Variants in SMCHD1 observed in about 807,000 individuals in gnomAD.
SMCHD1 encodes structural maintenance of chromosomes flexible hinge domain containing 1.
A neutral mutation model predicts 254.7 loss-of-function variants in SMCHD1; 78 were observed. That is an observed-to-expected ratio of 0.31 (90% CI 0.26 to 0.37). The LOEUF (loss-of-function observed/expected upper bound fraction) is 0.37. Ranked by LOEUF, SMCHD1 falls within the 10% of genes least tolerant of loss-of-function variation. SMCHD1 has a pLI of 1.00. For missense variants in SMCHD1, 1,840 were observed against 2,408.1 expected (o/e 0.76, Z 4.94); for synonymous variants, 766 against 794.9 (o/e 0.96, Z 0.61).
At position 2,683,526 on chromosome 18, in the gene SMCHD1, A is replaced by G. The variant is rs188747039; in HGVS notation, c.639-4868A>G. On this transcript the variant is annotated intron_variant, in intron 5 of 47. Transcript: ENST00000320876. ...AGCTGTTTTACATTTGTTGCGTTTT[A>G]TGATCCAGGATGTTATCTATCTAGA... 4.1e-3 allele frequency among the ~76,000 whole-genome samples: 632 copies of G among 152,304 alleles called. 4 individuals are homozygous for G. Among genetic ancestry groups the G allele is most frequent in the African/African-American group, 0.015 (610 of 41,568 alleles).
chr18:2,658,042 C>T (rs60387589), intron 1 of SMCHD1, among the ~76,000 whole-genome samples: 2,840 of 152,276 alleles, frequency 0.019, 63 homozygotes, highest in African/African-American at 0.063. Flanking sequence ...ATCCACCCGC[C>T]TCCCAAAGTG....
chr18:2,684,700 A>AGTGT (rs71365193), intron 5 of SMCHD1, among the ~76,000 whole-genome samples: 3,520 of 115,570 alleles, frequency 0.03, 124 homozygotes, highest in African/African-American at 0.085. Context: ...TTGCAGATTC[A>AGTGT]GTGTGTGTGT....
chr18:2,762,719 C>G (rs1184248830), intron 36 of SMCHD1, among the ~76,000 whole-genome samples: 1 of 152,012 alleles, frequency 6.6e-6, no homozygotes, highest in Non-Finnish European at 1.5e-5. Flanking sequence ...AAATCCTGAC[C>G]TCATGTTATC....
intron 47 of SMCHD1, among the ~76,000 whole-genome samples, chr18:2,802,088 A>G (rs892125854): frequency 2.6e-5 from 4 of 152,140 alleles, no homozygotes; most frequent in African/African-American, 9.7e-5. Context: ...ATATATGTCA[A>G]GGTGCTCACT....
At chr18:2,699,222 T>C (rs1978394) in intron 10 of SMCHD1, among the ~76,000 whole-genome samples, 30,950 of 152,058 alleles carry the variant, frequency 0.2, 3,390 homozygotes, top group South Asian at 0.33. Flanking sequence ...CATAGGGGTG[T>C]TGTGAAGATC....
chr18:2,722,632 G>A lies in SMCHD1; in HGVS notation c.2572G>A (p.Val858Ile), dbSNP rs372946944. The change falls in exon 20 of 48, where the codon GTA becomes ATA. Residue 858 changes from valine to isoleucine, a missense_variant. Physicochemically the swap from Val to Ile is conservative, Grantham distance 29 (BLOSUM62 3). This residue lies in a region of SMCHD1 where 59 missense variants were observed against 99.2 expected (regional missense o/e 0.59). Transcript: ENST00000320876. ...QDEFGHTSQL[V>I]TDIQPVLEAS... ...TGAATTTGGTCATACCAGTCAACTA[G>A]TAACTGATATTCAGCCAGTTCTTGA... 2 of 1,612,138 alleles carry A rather than the reference G, an allele frequency of 1.2e-6. No homozygotes were observed. Among genetic ancestry groups the A allele is most frequent in the African/African-American group, 2.7e-5 (2 of 74,882 alleles).
chr18:2,739,892 C>T (rs1167062292), intron 27 of SMCHD1, among the ~76,000 whole-genome samples: 1 of 151,724 alleles, frequency 6.6e-6, no homozygotes, highest in African/African-American at 2.4e-5. Context: ...TGAGGCCAGC[C>T]TGGACAAAAT....
chr18:2,764,522 C>T (rs1023262267), intron 37 of SMCHD1, among the ~76,000 whole-genome samples: 12 of 152,092 alleles, frequency 7.9e-5, no homozygotes, highest in Non-Finnish European at 1.3e-4. Context: ...ACAGTGCTTC[C>T]ATTAGCTTTC....
chr18:2,671,578 T>C (rs1307279370), intron 3 of SMCHD1, among the ~76,000 whole-genome samples: 1 of 151,086 alleles, frequency 6.6e-6, no homozygotes, highest in Non-Finnish European at 1.5e-5. Context: ...CTTCAAGTTA[T>C]GTTGATCTTT....
intron 17 of SMCHD1, among the ~76,000 whole-genome samples, chr18:2,708,463 C>T (rs2074572881): frequency 2.0e-5 from 3 of 151,870 alleles, no homozygotes; most frequent in Non-Finnish European, 2.9e-5. Context: ...CCCAGGAGTT[C>T]GAGGCTACAG....
intron 12 of SMCHD1, chr18:2,702,423 C>T (rs1188524340): frequency 2.6e-5 from 4 of 151,996 alleles, no homozygotes; most frequent in Non-Finnish European, 5.9e-5. Context: ...TGTACTTTGA[C>T]TGTTACTGAG....
Position 2,656,006 on chromosome 18 carries a change from C to A in SMCHD1, c.-70C>A, listed in dbSNP as rs948636027. ...CCGGGAGCTGGAGCTGAAGGCGCCG[C>A]GCGGAGCGCGCACCTCAGCCCTGAG... On this transcript the variant is annotated 5_prime_UTR_variant, in exon 1 of 48. Coordinates refer to ENST00000320876, the MANE Select transcript of SMCHD1 (RefSeq NM_015295.3). 7.4e-6 allele frequency: 9 copies of A among 1,217,882 alleles called. No individual in the cohort carries two copies. Among genetic ancestry groups the A allele is most frequent in the Non-Finnish European group, 8.2e-6 (8 of 970,520 alleles). 75.4% of individuals were successfully genotyped at this position (1,217,882 alleles called of 1,614,324 possible).
At position 2,718,798 on chromosome 18, in the gene SMCHD1, C is replaced by T. The variant is rs2074858769; in HGVS notation, c.2458+364C>T. On this transcript the variant is annotated intron_variant, in intron 19 of 47. Transcript: ENST00000320876. This position sits in a 1 kb window ranked among gnomAD's most constrained non-coding sequence, Gnocchi z 4.6. The stretch of plus-strand genomic sequence containing the variant: ...GATCTCATAACTTCTGATGATCTAC[C>T]TGCCTCAGCCTCCCAAAGTGCTGGG... Among the ~76,000 whole-genome samples the T allele has an allele frequency of 1.3e-5, 2 of 152,158 alleles. No homozygotes were observed. Among genetic ancestry groups the T allele is most frequent in the Admixed American group, 1.3e-4 (2 of 15,276 alleles).
At chr18:2,663,721 A>ATTTTTTTTT (rs577543378) in intron 1 of SMCHD1, among the ~76,000 whole-genome samples, 3 of 146,528 alleles carry the variant, frequency 2.0e-5, no homozygotes, top group African/African-American at 7.6e-5. Flanking sequence ...TATTCCAGGA[A>ATTTTTTTTT]TTTTTTTTTT....
chr18:2,697,766 C>T, intron 9 of SMCHD1, 65 bp from the exon 10 acceptor site: 3 of 1,054,040 alleles, frequency 2.8e-6, no homozygotes, highest in Non-Finnish European at 4.3e-6. Flanking sequence ...GTTGTTGAAT[C>T]ATAGCTGAGA....
chr18:2,707,692 G>T (rs1369920297), intron 16 of SMCHD1, 47 bp downstream of exon 16: 3 of 1,491,078 alleles, frequency 2.0e-6, no homozygotes, highest in Non-Finnish European at 2.8e-6. Context: ...CTTTTCTTTT[G>T]TCTTACATTT....
intron 41 of SMCHD1, among the ~76,000 whole-genome samples, chr18:2,773,675 A>G (rs758748990): frequency 2.6e-5 from 4 of 152,182 alleles, no homozygotes; most frequent in Non-Finnish European, 5.9e-5. Flanking sequence ...TAATCCCAAC[A>G]TTTTGGGAGG....
At chr18:2,736,638 G>A (rs2143517124) in intron 25 of SMCHD1, among the ~76,000 whole-genome samples, 1 of 149,692 alleles carries the variant, frequency 6.7e-6, no homozygotes, top group East Asian at 1.9e-4. Context: ...CAGCAAATAT[G>A]TGAAAAAATG....
chr18:2,803,215 TATAA>T lies in SMCHD1; in HGVS notation c.*667_*670del, dbSNP rs2076394659. On this transcript the variant is annotated 3_prime_UTR_variant, in exon 48 of 48. Coordinates refer to ENST00000320876, the MANE Select transcript of SMCHD1 (RefSeq NM_015295.3). The stretch of plus-strand genomic sequence containing the variant: ...GTGTGTGTGTATATATATATATATA[TATAA>T]ATATATATATATAAAATATTCAGCA... 1.4e-5 allele frequency: 2 copies of T among 147,400 alleles called. No homozygotes were observed. Among genetic ancestry groups the T allele is most frequent in the South Asian group, 2.1e-4 (1 of 4,778 alleles). The allele number at this position is 147,400 out of a possible 1,614,324, so 9.1% of individuals were successfully genotyped here. A position where few individuals can be genotyped will look rare whatever the true frequency, so the allele number is the denominator to read the frequency against.
Sources: allele counts gnomAD v4.1 joint callset (sites outside exome capture counted in the v4.1 genomes callset), GRCh38; gene constraint gnomAD v4.1.1; regional missense constraint gnomAD v4.1.1; non-coding constraint Gnocchi (gnomAD v3.1); transcripts MANE v1.5; gene names NCBI Gene and HGNC (gene_info 2026-07-23, HGNC 2026-07-21).